SDAD1: variants seen among roughly 807,000 people sequenced by gnomAD.
The protein encoded by SDAD1 is SDA1 domain containing 1, also known as protein SDA1 homolog.
A neutral mutation model predicts 100.3 loss-of-function variants in SDAD1; 79 were observed. The ratio of observed to expected loss-of-function variants is 0.79; its 90% CI spans 0.66 to 0.95. SDAD1 has a LOEUF of 0.95. SDAD1 is among the 40% of genes least tolerant of loss of function. The pLI, the probability that SDAD1 is intolerant of heterozygous loss-of-function variation, is 0.00. For missense variants in SDAD1, 790 were observed against 810.9 expected (o/e 0.97, Z 0.31); for synonymous variants, 267 against 271.4 (o/e 0.98, Z 0.16).
At chr4:75,974,806 C>T (rs1052842584) in intron 6 of SDAD1, among the ~76,000 whole-genome samples, 1 of 152,102 alleles carries the variant, frequency 6.6e-6, no homozygotes, top group African/African-American at 2.4e-5. Flanking sequence ...CTTTGGGAGG[C>T]CGAAGCGGGT....
chr4:75,967,430 C>G (rs1729612628), intron 11 of SDAD1, 96 bp from the exon 12 acceptor site: 1 of 1,118,998 alleles, frequency 8.9e-7, no homozygotes, highest in Non-Finnish European at 1.3e-6. Context: ...CAACTAATTG[C>G]AGAACACTTT....
intron 3 of SDAD1, among the ~76,000 whole-genome samples, chr4:75,978,268 G>A (rs1193470351): frequency 2.3e-5 from 3 of 132,944 alleles, no homozygotes; most frequent in Admixed American, 8.5e-5. Context: ...GACGGGTCTC[G>A]CTATATTGCC....
Position 75,990,918 on chromosome 4 carries a change from T to C in SDAD1, c.-77A>G, listed in dbSNP as rs531837660. 9 of 1,569,010 alleles carry C rather than the reference T, an allele frequency of 5.7e-6. No homozygotes were observed. The Admixed American group carries it at 1.2e-4, about 21-fold the overall frequency. ...CCGGCACCCCGCAATCCCTGCCAGCTGCAGCTTGGACTCGTGTTTCCGGGT... is the reference window on the plus strand; with the variant it reads ...CCGGCACCCCGCAATCCCTGCCAGCCGCAGCTTGGACTCGTGTTTCCGGGT... On this transcript the variant is annotated 5_prime_UTR_variant, in exon 1 of 22. Coordinates refer to ENST00000356260, the MANE Select transcript of SDAD1 (RefSeq NM_018115.4).
chr4:75,968,250 C>G (rs1278715087), intron 11 of SDAD1, among the ~76,000 whole-genome samples: 1 of 152,144 alleles, frequency 6.6e-6, no homozygotes, highest in African/African-American at 2.4e-5. Context: ...GGACTACAGC[C>G]ATGGAGAAAA....
At chr4:75,982,133 G>C (rs1730562303) in intron 1 of SDAD1, 96 bp from the exon 2 acceptor site, 2 of 675,992 alleles carry the variant, frequency 3.0e-6, no homozygotes, top group Non-Finnish European at 2.5e-6. Context: ...AACTGTTGAC[G>C]ATCACATGGA....
At chr4:75,966,457 T>C (rs1388132225) in intron 12 of SDAD1, among the ~76,000 whole-genome samples, 25 of 152,142 alleles carry the variant, frequency 1.6e-4, no homozygotes, top group Non-Finnish European at 2.9e-5. Context: ...ACAAGATTAA[T>C]GTGAGGATTA....
intron 12 of SDAD1, 60 bp from the exon 13 acceptor site, chr4:75,965,882 A>G: frequency 7.2e-7 from 1 of 1,386,920 alleles, no homozygotes; most frequent in Non-Finnish European, 1.0e-6. Context: ...TCTGAGGACC[A>G]CAGCAAACAT....
At chr4:75,969,502 T>C (rs1729743848) in intron 10 of SDAD1, 103 bp from the exon 11 acceptor site, 1 of 706,716 alleles carries the variant, frequency 1.4e-6, no homozygotes, top group Non-Finnish European at 2.4e-6. Flanking sequence ...GTGAATAGAC[T>C]GACAAACAGG....
At chr4:75,959,097 C>CCAAAA (rs1729074109) in intron 17 of SDAD1, among the ~76,000 whole-genome samples, 1 of 54,982 alleles carries the variant, frequency 1.8e-5, no homozygotes, top group Non-Finnish European at 3.1e-5. Context: ...GACTCTGTCT[C>CCAAAA]AAAAAAAAAA....
At chr4:75,984,544 T>C (rs529334023) in intron 1 of SDAD1, among the ~76,000 whole-genome samples, 2 of 152,208 alleles carry the variant, frequency 1.3e-5, no homozygotes, top group Admixed American at 6.5e-5. Context: ...TAACAGCCAA[T>C]AGCAGTAGAC....
intron 1 of SDAD1, among the ~76,000 whole-genome samples, chr4:75,982,858 C>T (rs1730622980): frequency 6.7e-6 from 1 of 149,926 alleles, no homozygotes. Flanking sequence ...AGGTTTGTTA[C>T]ACAGGTATAC....
chr4:75,989,456 T>C (rs1035044421), intron 1 of SDAD1, among the ~76,000 whole-genome samples: 1 of 152,236 alleles, frequency 6.6e-6, no homozygotes, highest in African/African-American at 2.4e-5. Flanking sequence ...GTCTTATTCA[T>C]TACTGTACCC....
intron 11 of SDAD1, 87 bp from the exon 12 acceptor site, chr4:75,967,421 A>C: frequency 3.9e-4 from 460 of 1,180,616 alleles, no homozygotes; most frequent in Non-Finnish European, 5.1e-4. Context: ...CACCAAGCTC[A>C]ACTAATTGCA....
chr4:75,975,331 T>C (rs1460521816), intron 6 of SDAD1, among the ~76,000 whole-genome samples: 1 of 152,196 alleles, frequency 6.6e-6, no homozygotes, highest in East Asian at 1.9e-4. Flanking sequence ...ATAAATAGGA[T>C]GAATTGACTT....
At chr4:75,953,642 C>T (rs999730061) in intron 21 of SDAD1, among the ~76,000 whole-genome samples, 1 of 152,208 alleles carries the variant, frequency 6.6e-6, no homozygotes, top group Non-Finnish European at 1.5e-5. Flanking sequence ...TACCTTAATT[C>T]AGTGAATACT....
intron 4 of SDAD1, 140 bp downstream of exon 4, chr4:75,977,506 C>T (rs930439870): frequency 2.1e-5 from 14 of 665,230 alleles, no homozygotes; most frequent in Middle Eastern, 3.9e-4. Context: ...TGGCTATTAA[C>T]ACCATATAGC....
chr4:75,952,073 A>C (rs1408336320), intron 21 of SDAD1, among the ~76,000 whole-genome samples: 1 of 152,332 alleles, frequency 6.6e-6, no homozygotes, highest in African/African-American at 2.4e-5. Flanking sequence ...GCAGAAAAGC[A>C]GAAGAGCTGG....
At chr4:75,983,338 T>G (rs1182129264) in intron 1 of SDAD1, among the ~76,000 whole-genome samples, 1 of 152,236 alleles carries the variant, frequency 6.6e-6, no homozygotes, top group Non-Finnish European at 1.5e-5. Flanking sequence ...AAATGGTATT[T>G]CTGGTTCTAG....
In SDAD1 at chr4:75,981,411, GAGA is replaced by G. The variant is rs1219807121; in HGVS notation, c.252_254del (p.Leu85del). The stretch of plus-strand genomic sequence containing the variant: ...GATCCAATACGGTATGATTGCAGGA[GAGA>G]AGATCTTTCACCTCTTGAGGAAAAT... On this transcript the variant is annotated inframe_deletion, in exon 3 of 22. Coordinates refer to ENST00000356260, the MANE Select transcript of SDAD1 (RefSeq NM_018115.4). 1.2e-6 allele frequency: 2 copies of G among 1,613,872 alleles called. No homozygotes were observed. The highest frequency in any genetic ancestry group is 1.7e-6 in the Non-Finnish European group (2 of 1,179,804).
Sources: allele counts gnomAD v4.1 joint callset (sites outside exome capture counted in the v4.1 genomes callset), GRCh38; gene constraint gnomAD v4.1.1; transcripts MANE v1.5; gene names NCBI Gene and HGNC (gene_info 2026-07-23, HGNC 2026-07-21).